The following SEMA3C variants were observed in gnomAD, a reference collection of about 807,000 sequenced individuals.
SEMA3C encodes semaphorin 3C.
In SEMA3C, 47 loss-of-function variants were observed where a neutral mutation model predicts 89.4. The ratio of observed to expected loss-of-function variants is 0.53; its 90% confidence interval spans 0.42 to 0.67. The LOEUF is 0.67. Among genes scored for constraint, SEMA3C ranks in the 30% least tolerant of loss-of-function variants. SEMA3C has a pLI of 0.00. For synonymous variants in SEMA3C, 310 were observed against 320.2 expected (o/e 0.97, Z 0.34); for missense variants, 839 against 929.1 (o/e 0.90, Z 1.26).
At chr7:80,768,922 A>G (rs1475356967) in intron 12 of SEMA3C, among the ~76,000 whole-genome samples, 1 of 152,240 alleles carries the variant, frequency 6.6e-6, no homozygotes, top group Non-Finnish European at 1.5e-5. Flanking sequence ...TCTTTGTTAT[A>G]TGAGCATGTT....
chr7:80,828,796 T>A (rs768671956), intron 2 of SEMA3C, 51 bp from the exon 3 acceptor site: 6 of 1,324,850 alleles, frequency 4.5e-6, no homozygotes, highest in Middle Eastern at 1.9e-4. Flanking sequence ...GTTCTATAAT[T>A]CTATTATTTT....
In SEMA3C at chr7:80,781,643, C is replaced by A. The variant is rs762708560; in HGVS notation, c.1354+7663G>T. ...AGGCTGTGAATTCTTCTCCTTGGGACAAAGCCTGCCAAGTCTGCCTCAGGG... is the reference window on the plus strand; with the variant it reads ...AGGCTGTGAATTCTTCTCCTTGGGAAAAAGCCTGCCAAGTCTGCCTCAGGG... On this transcript the variant is annotated intron_variant, in intron 12 of 17. Transcript: ENST00000265361. Among the ~76,000 whole-genome samples, 40 of 152,168 alleles carry A rather than the reference C, an allele frequency of 2.6e-4. 1 individual carries two copies. The highest frequency in any genetic ancestry group is 4.4e-5 in the Non-Finnish European group (3 of 68,032).
intron 2 of SEMA3C, among the ~76,000 whole-genome samples, chr7:80,900,685 A>C (rs184218691): frequency 6.6e-6 from 1 of 152,148 alleles, no homozygotes; most frequent in Admixed American, 6.5e-5. Context: ...AAGGGAATCA[A>C]TTGTTTCCAT....
At chr7:80,799,003 A>G (rs1213392128) in intron 10 of SEMA3C, among the ~76,000 whole-genome samples, 1 of 152,226 alleles carries the variant, frequency 6.6e-6, no homozygotes, top group African/African-American at 2.4e-5. Context: ...CAGAATGATG[A>G]TTTTGAATTT....
intron 9 of SEMA3C, among the ~76,000 whole-genome samples, chr7:80,802,400 T>C (rs140390943): frequency 3.5e-4 from 53 of 152,218 alleles, no homozygotes; most frequent in African/African-American, 1.3e-3. Context: ...ACACACATTA[T>C]ACAAGTTACA....
rs181235323 is a variant in SEMA3C at position 80,765,331 on chromosome 7, T to A, written c.1355-88A>T. Reference sequence around the variant, plus strand: ...TAGGACTACTGACTTGGACCATTATTTACATAAGTATTTAGTAATCAAAAA... The same window carrying A: ...TAGGACTACTGACTTGGACCATTATATACATAAGTATTTAGTAATCAAAAA... On this transcript the variant is annotated intron_variant, in intron 12 of 17. Coordinates refer to ENST00000265361, the MANE Select transcript of SEMA3C (RefSeq NM_006379.5). 58 of 918,634 alleles carry A rather than the reference T, an allele frequency of 6.3e-5. No individual in the cohort carries two copies. In the East Asian group the frequency reaches 1.4e-3, roughly 23 times the overall value. The allele number at this position is 918,634 out of a possible 1,614,324, so 56.9% of individuals were successfully genotyped here.
At chr7:80,890,123 T>C (rs1415389814) in intron 2 of SEMA3C, among the ~76,000 whole-genome samples, 1 of 152,208 alleles carries the variant, frequency 6.6e-6, no homozygotes, top group Admixed American at 6.5e-5. Flanking sequence ...TGGGCACTTG[T>C]GTAAGTTAAT....
At chr7:80,746,936 A>G (rs1441467701) in intron 17 of SEMA3C, among the ~76,000 whole-genome samples, 1 of 152,136 alleles carries the variant, frequency 6.6e-6, no homozygotes, top group Admixed American at 6.6e-5. Flanking sequence ...GCTACTTAGT[A>G]TGAACTATTT....
chr7:80,900,778 C>T (rs1791859709), intron 2 of SEMA3C, among the ~76,000 whole-genome samples: 2 of 152,172 alleles, frequency 1.3e-5, no homozygotes, highest in Admixed American at 1.3e-4. Context: ...TAAAAAGTAA[C>T]TCTATATAAC....
chr7:80,808,426 C>T (rs967876102), intron 6 of SEMA3C, among the ~76,000 whole-genome samples: 1 of 152,096 alleles, frequency 6.6e-6, no homozygotes, highest in Non-Finnish European at 1.5e-5. Flanking sequence ...TGGAAACATG[C>T]CTTGCATAGG....
upstream of SEMA3C, among the ~76,000 whole-genome samples, chr7:80,921,341 A>T (rs543498084): frequency 6.6e-6 from 1 of 152,288 alleles, no homozygotes; most frequent in African/African-American, 2.4e-5. Flanking sequence ...AAATACTGAT[A>T]GGCTTTAGCC....
At chr7:80,876,215 G>T (rs900716708) in intron 2 of SEMA3C, among the ~76,000 whole-genome samples, 2 of 152,078 alleles carry the variant, frequency 1.3e-5, no homozygotes, top group African/African-American at 4.8e-5. Context: ...TAGAATTTTA[G>T]ATATTCTTAT....
rs2272352 is a variant in SEMA3C, at chr7:80,758,627, G to T, written c.1486-139C>A. The T allele has an allele frequency of 3.0e-4, 249 of 822,432 alleles. 3 individuals carry two copies. In the East Asian group the frequency reaches 5.6e-3, roughly 19 times the overall value. The allele number at this position is 822,432 out of a possible 1,614,324, so 50.9% of individuals were successfully genotyped here. ...TAAAAACATGAAGCAAAGCACAGAA[G>T]GGTATGAAGCCAAAATAAATAGAAT... On this transcript the variant is annotated intron_variant, in intron 14 of 17. Coordinates refer to ENST00000265361, the MANE Select transcript of SEMA3C (RefSeq NM_006379.5).
intron 16 of SEMA3C, among the ~76,000 whole-genome samples, chr7:80,750,836 G>A (rs1787918092): frequency 6.6e-6 from 1 of 151,998 alleles, no homozygotes; most frequent in Non-Finnish European, 1.5e-5. Context: ...GCACAACAAT[G>A]TAAATATGCT....
chr7:80,877,271 A>T (rs1446156484), intron 2 of SEMA3C, among the ~76,000 whole-genome samples: 3 of 152,128 alleles, frequency 2.0e-5, no homozygotes, highest in Admixed American at 6.5e-5. Flanking sequence ...CACACTACAC[A>T]CTTTTTCTAC....
At chr7:80,898,824 CA>C (rs34542451) in intron 2 of SEMA3C, among the ~76,000 whole-genome samples, 2,584 of 109,458 alleles carry the variant, frequency 0.024, 37 homozygotes, top group African/African-American at 0.056. Context: ...TTTGTTTGAC[CA>C]AAAAAAAAAA....
At chr7:80,761,721 A>AT (rs1015716843) in intron 13 of SEMA3C, 64 bp from the exon 14 acceptor site, 94 of 898,166 alleles carry the variant, frequency 1.0e-4, no homozygotes, top group Non-Finnish European at 1.3e-4. Flanking sequence ...TTACATTCAG[A>AT]TTTTTTTTCT....
At chr7:80,843,779 C>G (rs543812271) in intron 2 of SEMA3C, among the ~76,000 whole-genome samples, 146 of 151,980 alleles carry the variant, frequency 9.6e-4, no homozygotes, top group African/African-American at 3.4e-3. Flanking sequence ...ATGAGTGCAC[C>G]AATAAAAACC....
At chr7:80,788,163 C>G (rs1788848170) in intron 12 of SEMA3C, among the ~76,000 whole-genome samples, 1 of 152,154 alleles carries the variant, frequency 6.6e-6, no homozygotes, top group South Asian at 2.1e-4. Context: ...TCCCTTGATC[C>G]AGAACACATA....
Sources: allele counts gnomAD v4.1 joint callset (sites outside exome capture counted in the v4.1 genomes callset), GRCh38; gene constraint gnomAD v4.1.1; transcripts MANE v1.5; gene names NCBI Gene and HGNC (gene_info 2026-07-23, HGNC 2026-07-21).